The following RUNX3 variants were observed in gnomAD, a reference collection of about 807,000 sequenced individuals.
RUNX3 encodes the protein runt-related transcription factor 3.
Under a neutral mutation model 27.7 loss-of-function variants are expected in RUNX3, and 10 were observed. The ratio of observed to expected loss-of-function variants is 0.36; its 90% CI spans 0.22 to 0.61. RUNX3 has a LOEUF of 0.61. Ranked by LOEUF, RUNX3 falls within the 20% of genes least tolerant of loss-of-function variation. The probability of loss-of-function intolerance (pLI) is 0.72; values close to 1 mark genes in which losing one functional copy is unlikely to be tolerated. For missense variants in RUNX3, 469 were observed against 629.5 expected, an observed-to-expected ratio of 0.75 and a Z score of 2.73; for synonymous variants, 270 against 269.2, an observed-to-expected ratio of 1.00 and a Z score of -0.03.
chr1:24,912,977 CA>C (rs1418113733), intron 3 of RUNX3, among the ~76,000 whole-genome samples: 1 of 152,136 alleles, frequency 6.6e-6, no homozygotes, highest in African/African-American at 2.4e-5. Context: ...TGGACTCCAC[CA>C]GGGGCCCTTC....
rs180731217 is a variant in RUNX3 at position 24,962,444 on chromosome 1, T to C, written c.58+2070A>G. Among the ~76,000 whole-genome samples the C allele has an allele frequency of 3.5e-4, 53 of 152,230 alleles. 1 individual carries two copies. The East Asian group carries it at 8.9e-3, about 25-fold the overall frequency. ...CAGCGTGGGGTTGGCACCCTGCAAA[T>C]GGGACCCTGGGGCTGCGTCTCTTTG... On this transcript the variant is annotated intron_variant, in intron 2 of 6. Coordinates refer to the RUNX3 transcript ENST00000338888. The surrounding 1 kb of genome is among the most constrained non-coding windows in gnomAD (Gnocchi z 4.5).
chr1:24,907,335 T>A lies in RUNX3; in HGVS notation c.627A>T (p.Thr209=), dbSNP rs1640686316. ...AGCCTCGGGGGCTGGGTGTGCTCGG[T>A]GTCACCCGCATGCGCAGCCGTTCCA... ...GDLERLRMRV[T]PSTPSPRGSL... Residue 209 remains threonine, a synonymous_variant, in exon 4 of 5, where the codon ACA becomes ACT. Transcript: ENST00000308873. 1.9e-6 allele frequency: 3 copies of A among 1,613,458 alleles called. No individual in the cohort carries two copies.
intron 2 of RUNX3, among the ~76,000 whole-genome samples, chr1:24,926,739 C>T (rs1348570211): frequency 2.0e-5 from 3 of 152,182 alleles, no homozygotes; most frequent in Admixed American, 1.3e-4. Flanking sequence ...CTTAACAAAG[C>T]TAGAGGCGGG....
At chr1:24,929,334 T>A in intron 1 of RUNX3, 1 of 687,326 alleles carries the variant, frequency 1.5e-6, no homozygotes, top group Non-Finnish European at 2.7e-6. Context: ...CGCACCAACG[T>A]CTCTACGCAA....
chr1:24,952,192 A>T (rs1557859061), intron 2 of RUNX3, among the ~76,000 whole-genome samples: 1 of 152,176 alleles, frequency 6.6e-6, no homozygotes, highest in Non-Finnish European at 1.5e-5. Context: ...ATCTCAATAC[A>T]ATTTCCTAGG....
chr1:24,902,182 G>C lies in RUNX3; in HGVS notation c.1188C>G (p.Asn396Lys). ...DGVEADGSHS[N>K]SPTALSTPGR... is the part of the protein sequence containing the mutation. ...CTGGCGTGCTCAGGGCCGTGGGTGA[G>C]TTGCTGTGGCTGCCGTCGGCCTCCA... The change falls in exon 5 of 5, where the codon AAC becomes AAG. Residue 396 changes from asparagine (N) to lysine (K), a missense_variant. Coordinates refer to ENST00000308873, the MANE Select transcript of RUNX3 (RefSeq NM_004350.3). The surrounding 1 kb of genome is among the most constrained non-coding windows in gnomAD (Gnocchi z 9.2). The C allele has an allele frequency of 6.4e-7, 1 of 1,571,936 alleles. No homozygotes were observed. The highest frequency in any genetic ancestry group is 8.6e-7 in the Non-Finnish European group (1 of 1,160,422).
intron 2 of RUNX3, among the ~76,000 whole-genome samples, chr1:24,955,746 A>T (rs1399277312): frequency 1.3e-5 from 2 of 152,190 alleles, no homozygotes; most frequent in African/African-American, 2.4e-5. Flanking sequence ...GAAAGCTGGG[A>T]CACTGAAAAA....
At chr1:24,942,671 A>C (rs944258605) in intron 2 of RUNX3, among the ~76,000 whole-genome samples, 3 of 152,190 alleles carry the variant, frequency 2.0e-5, no homozygotes, top group Non-Finnish European at 2.9e-5. Context: ...TAGTATCCCC[A>C]GTTCCTAAAA....
At chr1:24,941,539 C>G (rs1641479816) in intron 2 of RUNX3, among the ~76,000 whole-genome samples, 1 of 152,238 alleles carries the variant, frequency 6.6e-6, no homozygotes, top group Non-Finnish European at 1.5e-5. Flanking sequence ...CAAGTTCACA[C>G]CCTAGGTGAG....
In RUNX3 at chr1:24,916,659, G is replaced by A. The variant is rs1018275460; in HGVS notation, c.544+2581C>T. Among the ~76,000 whole-genome samples the A allele has an allele frequency of 6.6e-6, 1 of 150,788 alleles. No individual in the cohort carries two copies. The highest frequency in any genetic ancestry group is 1.5e-5 in the Non-Finnish European group (1 of 67,436). On this transcript the variant is annotated intron_variant, in intron 3 of 4. Coordinates refer to ENST00000308873, the MANE Select transcript of RUNX3 (RefSeq NM_004350.3). The surrounding 1 kb of genome is among the most constrained non-coding windows in gnomAD (Gnocchi z 4.8). ...GGAGTGGGGCTGCAACCCAGGGTAT[G>A]GGGGGGGACCTGATCTCAGGGCCAG...
intron 1 of RUNX3, chr1:24,964,831 T>G: frequency 2.2e-6 from 2 of 893,072 alleles, no homozygotes; most frequent in African/African-American, 3.4e-5. Context: ...AGTTTCTGTT[T>G]GTACCCAAGA....
chr1:24,917,366 C>T (rs149081718), intron 3 of RUNX3, among the ~76,000 whole-genome samples: 2 of 152,348 alleles, frequency 1.3e-5, no homozygotes, highest in East Asian at 3.9e-4. Flanking sequence ...CATGAGAGAG[C>T]TCACCGTTGA....
In RUNX3 at chr1:24,904,441, A is replaced by T. The variant is rs1467840517; in HGVS notation, c.704-1775T>A. Among the ~76,000 whole-genome samples the T allele has an allele frequency of 6.6e-6, 1 of 152,170 alleles. No homozygotes were observed. The highest frequency in any genetic ancestry group is 1.5e-5 in the Non-Finnish European group (1 of 68,022). On this transcript the variant is annotated intron_variant, in intron 4 of 4. Coordinates refer to ENST00000308873, the MANE Select transcript of RUNX3 (RefSeq NM_004350.3). This position sits in a 1 kb window ranked among gnomAD's most constrained non-coding sequence, Gnocchi z 5.7. ...CTGGGTGGCGGGGGCCTTCTGGGAC[A>T]TCTGGGATGTTCCCTAGTAGGTCAC...
rs181408275 is a variant in RUNX3 at position 24,917,395 on chromosome 1, G to C, written c.544+1845C>G. 3.9e-3 allele frequency among the ~76,000 whole-genome samples: 594 copies of C among 152,340 alleles called. 4 individuals carry two copies. Among genetic ancestry groups the C allele is most frequent in the African/African-American group, 0.013 (552 of 41,586 alleles). On this transcript the variant is annotated intron_variant, in intron 3 of 4. Coordinates refer to ENST00000308873, the MANE Select transcript of RUNX3 (RefSeq NM_004350.3). ...CCGTTGACTAATGGTGGTGGTGGGA[G>C]TGCAGGAAGGGGGCTGGGTACTGAG...
At chr1:24,963,850 C>T (rs1413767969) in intron 2 of RUNX3, among the ~76,000 whole-genome samples, 1 of 152,196 alleles carries the variant, frequency 6.6e-6, no homozygotes, top group East Asian at 1.9e-4. Context: ...CAGAACTCTG[C>T]ATCCCTGCAG....
chr1:24,921,178 G>A (rs887565996), intron 2 of RUNX3, among the ~76,000 whole-genome samples: 1 of 152,218 alleles, frequency 6.6e-6, no homozygotes, highest in South Asian at 2.1e-4. Flanking sequence ...ACAGCCCCAC[G>A]TTGCAGGTGG....
At chr1:24,959,237 G>A (rs923308860) in intron 2 of RUNX3, among the ~76,000 whole-genome samples, 7 of 152,206 alleles carry the variant, frequency 4.6e-5, no homozygotes, top group South Asian at 2.1e-4. Context: ...CCTCCAGCCC[G>A]CCAGAGTGGG....
At chr1:24,907,998 T>A (rs113470029) in intron 3 of RUNX3, among the ~76,000 whole-genome samples, 1 of 139,172 alleles carries the variant, frequency 7.2e-6, no homozygotes, top group Non-Finnish European at 1.6e-5. Flanking sequence ...CGCGGTGATC[T>A]AAACCTCTAC....
In RUNX3 at chr1:24,930,221, G is replaced by A. The variant is rs1328044814; in HGVS notation, c.-353C>T. ...GCCTCCCGCCCCGAAGCTCGCCCGCGGCCGCCCCGACTCCGCGGCCGCAGC... is the reference window on the plus strand; with the variant it reads ...GCCTCCCGCCCCGAAGCTCGCCCGCAGCCGCCCCGACTCCGCGGCCGCAGC... On this transcript the variant is annotated 5_prime_UTR_variant, in exon 1 of 5. Transcript: ENST00000308873. This position sits in a 1 kb window ranked among gnomAD's most constrained non-coding sequence, Gnocchi z 4.1. 35 of 982,140 alleles carry A rather than the reference G, an allele frequency of 3.6e-5. No homozygotes were observed. The highest frequency in any genetic ancestry group is 4.2e-5 in the Non-Finnish European group (35 of 828,646). The allele number at this position is 982,140 out of a possible 1,614,324, so 60.8% of individuals were successfully genotyped here. A position where few individuals can be genotyped will look rare whatever the true frequency, so the allele number is the denominator to read the frequency against.
Sources: gnomAD v4.1 joint callset for allele counts (sites outside exome capture counted in the v4.1 genomes callset) on GRCh38, gnomAD v4.1.1 for gene constraint, Gnocchi (gnomAD v3.1) non-coding constraint, MANE v1.5 for transcripts, NCBI Gene and HGNC (gene_info 2026-07-23, HGNC 2026-07-21) for gene names.